Variants in ZGRF1 observed in about 807,000 individuals in gnomAD.
ZGRF1 encodes 5'-3' DNA helicase ZGRF1.
In ZGRF1, 196 loss-of-function variants were observed where a neutral mutation model predicts 203.5. The observed-to-expected ratio is 0.96, with a 90% CI of 0.86 to 1.08. ZGRF1 has a LOEUF of 1.08. ZGRF1 is among the 50% of genes least tolerant of loss of function. The pLI is 0.00. For missense variants in ZGRF1, 2,326 were observed against 2,416.3 expected (o/e 0.96, Z 0.78); for synonymous variants, 809 against 841.3 (o/e 0.96, Z 0.66).
In ZGRF1 at chr4:112,618,059, A is replaced by G; in HGVS notation, c.1983T>C (p.Asp661=). ...TDAVYGDNKE[D]ANKPIQEVRI... is the part of the protein sequence containing the mutation. ...TGACTTCTTGAATAGGTTTATTAGC[A>G]TCTTCTTTATTATCTCCGTATACAG... The change falls in exon 6 of 28, where the codon GAT becomes GAC. Residue 661 remains aspartate (D), a synonymous_variant. Coordinates refer to ENST00000505019, the MANE Select transcript of ZGRF1 (RefSeq NM_018392.5). The G allele has an allele frequency of 1.9e-6, 3 of 1,613,738 alleles. No individual in the cohort carries two copies. In the South Asian group the frequency reaches 3.3e-5, roughly 18 times the overall value.
At chr4:112,573,200 A>ACACACACC (rs534017977) in intron 16 of ZGRF1, among the ~76,000 whole-genome samples, 27 of 148,836 alleles carry the variant, frequency 1.8e-4, no homozygotes, top group Middle Eastern at 7.0e-3. Context: ...ACACACACAC[A>ACACACACC]CCCATGGAAT....
chr4:112,585,784 A>C, intron 13 of ZGRF1, 59 bp from the exon 14 acceptor site: 1 of 1,278,720 alleles, frequency 7.8e-7, no homozygotes, highest in South Asian at 1.7e-5. Flanking sequence ...TGTTTGTATC[A>C]CATATGTGCT....
At position 112,560,849 on chromosome 4, in the gene ZGRF1, A is replaced by T; in HGVS notation, c.4844T>A (p.Leu1615Ter). The T allele has an allele frequency of 6.2e-7, 1 of 1,613,708 alleles. No individual in the cohort carries two copies. Among genetic ancestry groups the T allele is most frequent in the Non-Finnish European group, 8.5e-7 (1 of 1,179,730 alleles). Residue 1615 changes from leucine to a stop codon, truncating the protein, a stop_gained, in exon 19 of 28, where the codon TTA (leucine) becomes TAA (stop). Transcript: ENST00000505019. LOFTEE classifies it high-confidence loss of function. ...LASELIQVHK[L>*]NKDQATALIQ... ...TAGAGCTGTAGCTTGATCCTTGTTT[A>T]ACTTGTGTACCTGAATCAACTCACT...
intron 1 of ZGRF1, among the ~76,000 whole-genome samples, chr4:112,634,242 A>C (rs2047505171): frequency 6.6e-6 from 1 of 152,248 alleles, no homozygotes; most frequent in African/African-American, 2.4e-5. Context: ...TAATAAAATA[A>C]GGCAGGAATA....
In ZGRF1 at chr4:112,541,003, GA is replaced by G. The variant is rs900421654; in HGVS notation, c.5776-49del. 5 of 1,549,180 alleles carry G rather than the reference GA, an allele frequency of 3.2e-6. No individual in the cohort carries two copies. The Admixed American group carries it at 9.9e-5, about 31-fold the overall frequency. The stretch of plus-strand genomic sequence containing the variant: ...AATTATATTTCCCAGAAAGGCTATG[GA>G]AAAACCAAGTAAAATCATACAAACA... On this transcript the variant is annotated intron_variant, in intron 25 of 27. Transcript: ENST00000505019.
At chr4:112,614,023 T>C (rs971592767) in intron 6 of ZGRF1, among the ~76,000 whole-genome samples, 34 of 152,186 alleles carry the variant, frequency 2.2e-4, no homozygotes, top group African/African-American at 7.2e-4. Flanking sequence ...ATTGATATTG[T>C]TTTCCTTTAC....
At chr4:112,561,814 TC>T in intron 18 of ZGRF1, among the ~76,000 whole-genome samples, 1 of 151,628 alleles carries the variant, frequency 6.6e-6, no homozygotes, top group East Asian at 1.9e-4. Flanking sequence ...ACTGAAATGA[TC>T]CTTAAATTAT....
chr4:112,616,537 AAAAG>A (rs1470711974), intron 6 of ZGRF1, among the ~76,000 whole-genome samples: 3 of 148,982 alleles, frequency 2.0e-5, no homozygotes, highest in South Asian at 2.1e-4. Flanking sequence ...AAAAAAAAAA[AAAAG>A]AAACACAATT....
At chr4:112,555,125 G>A (rs142998586) in intron 20 of ZGRF1, among the ~76,000 whole-genome samples, 1 of 152,294 alleles carries the variant, frequency 6.6e-6, no homozygotes, top group Non-Finnish European at 1.5e-5. Flanking sequence ...GTTAGGAAGA[G>A]CCTCTTTACA....
chr4:112,594,609 C>G (rs1464751767), intron 10 of ZGRF1, among the ~76,000 whole-genome samples: 1 of 151,948 alleles, frequency 6.6e-6, no homozygotes, highest in East Asian at 2.0e-4. Flanking sequence ...CATGCCACCA[C>G]GCCCAGCTAA....
At chr4:112,575,976 C>A (rs1745131265) in intron 16 of ZGRF1, among the ~76,000 whole-genome samples, 1 of 152,230 alleles carries the variant, frequency 6.6e-6, no homozygotes, top group African/African-American at 2.4e-5. Context: ...GGACAGACTG[C>A]ATCCTCAAGT....
intron 10 of ZGRF1, among the ~76,000 whole-genome samples, chr4:112,600,045 T>C (rs1346167086): frequency 6.6e-6 from 1 of 152,070 alleles, no homozygotes; most frequent in Non-Finnish European, 1.5e-5. Context: ...GAGGTAATGT[T>C]TTTTTTTCTT....
chr4:112,626,838 C>A (rs1280276454), intron 3 of ZGRF1, among the ~76,000 whole-genome samples: 1 of 151,978 alleles, frequency 6.6e-6, no homozygotes, highest in African/African-American at 2.4e-5. Context: ...CTGAGTCTTG[C>A]TCTATTGCTC....
At chr4:112,563,408 A>G in intron 16 of ZGRF1, 134 bp from the exon 17 acceptor site, 2 of 598,222 alleles carry the variant, frequency 3.3e-6, no homozygotes, top group Non-Finnish European at 5.4e-6. Context: ...ATGAGAAGTA[A>G]AGTTCTGGAA....
intron 13 of ZGRF1, among the ~76,000 whole-genome samples, 193 bp downstream of exon 13, chr4:112,586,249 AAAG>A (rs1052322688): frequency 6.6e-6 from 1 of 152,018 alleles, no homozygotes; most frequent in East Asian, 1.9e-4. Context: ...CAAAAAAAAA[AAAG>A]AAGATTGTAA....
Position 112,539,641 on chromosome 4 carries a change from T to C in ZGRF1, c.6221A>G (p.Asn2074Ser), listed in dbSNP as rs1009721992. 3.1e-6 allele frequency: 5 copies of C among 1,608,078 alleles called. No individual in the cohort carries two copies. In the African/African-American group the frequency reaches 5.3e-5, roughly 17 times the overall value. ...QHANQYEPQL[N>S]HLLKDYFEKQ... The stretch of plus-strand genomic sequence containing the variant: ...TTCAAAATAATCTTTAAGGAGATGG[T>C]TCAGCTGTGGTTCATACTGGTTTGC... Residue 2074 changes from asparagine to serine, a missense_variant, in exon 28 of 28, where the codon AAC becomes AGC. By Grantham distance (46) the Asn-to-Ser change is conservative. Coordinates refer to ENST00000505019, the MANE Select transcript of ZGRF1 (RefSeq NM_018392.5).
At chr4:112,611,047 C>A (rs1751503088) in intron 7 of ZGRF1, 4 of 199,000 alleles carry the variant, frequency 2.0e-5, no homozygotes, top group Non-Finnish European at 4.1e-5. Flanking sequence ...AAAAAAAAAT[C>A]AACATTATTA....
At chr4:112,597,342 G>A (rs951936917) in intron 10 of ZGRF1, among the ~76,000 whole-genome samples, 2 of 149,850 alleles carry the variant, frequency 1.3e-5, no homozygotes, top group Non-Finnish European at 3.0e-5. Flanking sequence ...GAAAACATAG[G>A]AAGACCCCAT....
intron 16 of ZGRF1, among the ~76,000 whole-genome samples, chr4:112,569,507 C>G (rs1449340230): frequency 6.6e-6 from 1 of 152,074 alleles, no homozygotes; most frequent in African/African-American, 2.4e-5. Context: ...TAGCACTAGT[C>G]TAGATTTTGT....
Sources: gnomAD v4.1 joint callset for allele counts (sites outside exome capture counted in the v4.1 genomes callset) on GRCh38, gnomAD v4.1.1 for gene constraint, MANE v1.5 for transcripts, NCBI Gene and HGNC (gene_info 2026-07-23, HGNC 2026-07-21) for gene names.